Variants in FGF20 observed in about 807,000 individuals in gnomAD.
The protein encoded by FGF20 is fibroblast growth factor 20.
Under a neutral mutation model 16.7 loss-of-function variants are expected in FGF20, and 8 were observed. The observed-to-expected ratio is 0.48, with a 90% CI of 0.28 to 0.87. FGF20 has a LOEUF of 0.87. FGF20 is among the 40% of genes least tolerant of loss of function. The probability of loss-of-function intolerance (pLI) is 0.10; values close to 1 mark genes in which losing one functional copy is unlikely to be tolerated. For synonymous variants in FGF20, 161 were observed against 118.6 expected (o/e 1.36, Z -2.32); for missense variants, 397 against 281.4 (o/e 1.41, Z -2.94).
At chr8:16,997,223 T>A (rs1246962428) in intron 1 of FGF20, among the ~76,000 whole-genome samples, 3 of 152,216 alleles carry the variant, frequency 2.0e-5, no homozygotes, top group Non-Finnish European at 4.4e-5. Flanking sequence ...AACTTTGGAC[T>A]AATGCCTTTG....
chr8:17,001,813 C>A lies in FGF20; in HGVS notation c.220G>T (p.Gly74Cys). 1 of 1,555,284 alleles carries A rather than the reference C, an allele frequency of 6.4e-7. No homozygotes were observed. Among genetic ancestry groups the A allele is most frequent in the Non-Finnish European group, 8.7e-7 (1 of 1,155,422 alleles). The stretch of plus-strand genomic sequence containing the variant: ...TCGGGCAGGATCTGCAGGTGGAAGC[C>A]GGTGCGGCAATAGAGCTGCCGGCGG... ...LRRRQLYCRT[G>C]FHLQILPDGS... The change falls in exon 1 of 3, where the codon GGC becomes TGC. Residue 74 changes from glycine (G) to cysteine (C), a missense_variant. Coordinates refer to ENST00000180166, the MANE Select transcript of FGF20 (RefSeq NM_019851.3).
At position 16,999,903 on chromosome 8, in the gene FGF20, T is replaced by C. The variant is rs187231032; in HGVS notation, c.286+1844A>G. 6.4e-3 allele frequency among the ~76,000 whole-genome samples: 970 copies of C among 152,220 alleles called. 15 individuals carry two copies. The highest frequency in any genetic ancestry group is 0.022 in the African/African-American group (921 of 41,520). On this transcript the variant is annotated intron_variant, in intron 1 of 2. Coordinates refer to ENST00000180166, the MANE Select transcript of FGF20 (RefSeq NM_019851.3). ...GTATGGCAGGGTGAAATTCTGACTA[T>C]TACCTAAGCTTAACTTCTGCCTGCT...
At chr8:16,993,412 G>T in intron 2 of FGF20, 95 bp from the exon 3 acceptor site, 2 of 1,257,630 alleles carry the variant, frequency 1.6e-6, no homozygotes, top group Non-Finnish European at 2.2e-6. Flanking sequence ...TCTTTGCCTT[G>T]TCAAAGAAAG....
At position 17,001,881 on chromosome 8, in the gene FGF20, C is replaced by A. The variant is rs763286912; in HGVS notation, c.152G>T (p.Gly51Val). ...GTGCGCCAGCTGCGCAGCCCCCGGC[C>A]CGCCGCGCGCGCTCCGCTCCGCCGC... ...RSAAERSARG[G>V]PGAAQLAHLH... The change falls in exon 1 of 3, where the codon GGG becomes GTG. Residue 51 changes from glycine (G) to valine (V), a missense_variant. Transcript: ENST00000180166. 4.2e-6 allele frequency: 6 copies of A among 1,435,742 alleles called. No homozygotes were observed. Among genetic ancestry groups the A allele is most frequent in the Middle Eastern group, 2.3e-4 (1 of 4,324 alleles). The allele number at this position is 1,435,742 out of a possible 1,614,324, so 88.9% of individuals were successfully genotyped here.
At chr8:16,996,391 G>T (rs1159427904) in intron 1 of FGF20, among the ~76,000 whole-genome samples, 3 of 151,920 alleles carry the variant, frequency 2.0e-5, no homozygotes, top group African/African-American at 7.3e-5. Flanking sequence ...ACCAGGTTGA[G>T]CAGGCAAGTC....
intron 1 of FGF20, among the ~76,000 whole-genome samples, chr8:16,998,004 A>G (rs2150435618): frequency 6.6e-6 from 1 of 152,342 alleles, no homozygotes; most frequent in East Asian, 1.9e-4. Flanking sequence ...TTCAAAGAAC[A>G]GGAACTGATT....
At chr8:16,996,379 T>C (rs928804900) in intron 1 of FGF20, among the ~76,000 whole-genome samples, 10 of 152,102 alleles carry the variant, frequency 6.6e-5, no homozygotes, top group African/African-American at 2.4e-4. Flanking sequence ...AGGAACTTAC[T>C]AACCAGGTTG....
intron 1 of FGF20, among the ~76,000 whole-genome samples, chr8:17,001,477 G>T (rs1403527238): frequency 1.3e-5 from 2 of 152,106 alleles, no homozygotes; most frequent in Non-Finnish European, 2.9e-5. Flanking sequence ...AGCTTGCGAA[G>T]CGCCCACCCT....
At chr8:16,998,392 T>C (rs549788387) in intron 1 of FGF20, among the ~76,000 whole-genome samples, 1 of 152,312 alleles carries the variant, frequency 6.6e-6, no homozygotes, top group East Asian at 1.9e-4. Flanking sequence ...TGATCCTTTT[T>C]CTCCTTGAGG....
intron 2 of FGF20, among the ~76,000 whole-genome samples, chr8:16,995,032 T>C (rs1810011638): frequency 1.3e-5 from 2 of 152,206 alleles, no homozygotes; most frequent in African/African-American, 2.4e-5. Flanking sequence ...AAGTATAACT[T>C]AAGTGGCATA....
Position 16,992,472 on chromosome 8 carries a change from C to G in FGF20, c.*600G>C, listed in dbSNP as rs577732279. 17 of 151,502 alleles carry G rather than the reference C, an allele frequency of 1.1e-4. No individual in the cohort carries two copies. The highest frequency in any genetic ancestry group is 3.4e-3 in the Middle Eastern group (1 of 290). The allele number at this position is 151,502 out of a possible 1,614,324, so 9.4% of individuals were successfully genotyped here. On this transcript the variant is annotated 3_prime_UTR_variant, in exon 3 of 3. Coordinates refer to ENST00000180166, the MANE Select transcript of FGF20 (RefSeq NM_019851.3). ...TCTTCATATCCCAGTAAAAAATAAACTCTTTAATAAATAAATATATATAAT... is the reference window on the plus strand; with the variant it reads ...TCTTCATATCCCAGTAAAAAATAAAGTCTTTAATAAATAAATATATATAAT...
chr8:16,994,518 C>G (rs969560397), intron 2 of FGF20, among the ~76,000 whole-genome samples: 20 of 151,780 alleles, frequency 1.3e-4, no homozygotes, highest in Non-Finnish European at 2.8e-4. Context: ...TAATTCCATA[C>G]TTATGATTAT....
At chr8:16,997,784 T>C (rs140581489) in intron 1 of FGF20, among the ~76,000 whole-genome samples, 8 of 152,248 alleles carry the variant, frequency 5.3e-5, no homozygotes, top group African/African-American at 1.7e-4. Flanking sequence ...GCCAAGTTCA[T>C]TAGCAAAAGA....
chr8:17,001,974 T>A lies in FGF20; in HGVS notation c.59A>T (p.Gln20Leu), dbSNP rs368189425. The A allele has an allele frequency of 7.3e-5, 111 of 1,512,950 alleles. 1 individual carries two copies. Among genetic ancestry groups the A allele is most frequent in the Non-Finnish European group, 8.5e-5 (96 of 1,131,434 alleles). The allele number at this position is 1,512,950 out of a possible 1,614,324, so 93.7% of individuals were successfully genotyped here. ...AGGCAACAGGAAATGCGAACCCACC[T>A]GCTGGCCCAAGCCCTCCAGGCCGCC... ...FLGGLEGLGQ[Q>L]VGSHFLLPPA... The change falls in exon 1 of 3, where the codon CAG becomes CTG. Residue 20 changes from glutamine to leucine, a missense_variant. Transcript: ENST00000180166.
intron 1 of FGF20, 95 bp from the exon 2 acceptor site, chr8:16,995,853 C>G: frequency 1.6e-6 from 1 of 620,858 alleles, no homozygotes. Context: ...CGGTAGTCGG[C>G]CATTATTGCC....
chr8:17,001,535 G>A (rs1433473602), intron 1 of FGF20, among the ~76,000 whole-genome samples: 6 of 152,160 alleles, frequency 3.9e-5, no homozygotes, highest in African/African-American at 1.4e-4. Context: ...GCTAGAGGCT[G>A]CGGCGACAAA....
intron 2 of FGF20, 107 bp downstream of exon 2, chr8:16,995,548 G>C (rs1810022840): frequency 6.1e-6 from 3 of 489,566 alleles, no homozygotes; most frequent in Admixed American, 7.6e-5. Context: ...ACGTAAGTAT[G>C]TTTTATATAC....
At chr8:17,001,720 G>T (rs1336042723) in intron 1 of FGF20, 27 bp downstream of exon 1, 1 of 1,556,774 alleles carries the variant, frequency 6.4e-7, no homozygotes, top group Non-Finnish European at 8.7e-7. Context: ...GCGCAGATGG[G>T]GGTGGGGTCG....
At chr8:16,999,400 C>A (rs1475609676) in intron 1 of FGF20, among the ~76,000 whole-genome samples, 3 of 151,700 alleles carry the variant, frequency 2.0e-5, no homozygotes, top group African/African-American at 7.3e-5. Context: ...TGAATGTTAT[C>A]AAGTCTACAA....
Sources: gnomAD v4.1 joint callset for allele counts (sites outside exome capture counted in the v4.1 genomes callset) on GRCh38, gnomAD v4.1.1 for gene constraint, MANE v1.5 for transcripts, NCBI Gene and HGNC (gene_info 2026-07-23, HGNC 2026-07-21) for gene names.